The following ADAMTSL1 variants were observed in gnomAD, a reference collection of about 807,000 sequenced individuals.
ADAMTSL1 encodes ADAMTS-like protein 1.
A neutral mutation model predicts 201.8 loss-of-function variants in ADAMTSL1; 126 were observed. That is an observed-to-expected ratio of 0.62 (90% CI 0.54 to 0.72). The LOEUF (loss-of-function observed/expected upper bound fraction) is 0.72. ADAMTSL1 is among the 30% of genes least tolerant of loss of function. The pLI is 0.00. For missense variants in ADAMTSL1, 2,679 were observed against 2,277.8 expected, an observed-to-expected ratio of 1.18 and a Z score of -3.59; for synonymous variants, 1,121 against 903.4, an observed-to-expected ratio of 1.24 and a Z score of -4.32.
intron 15 of ADAMTSL1, among the ~76,000 whole-genome samples, chr9:18,746,614 A>T (rs559240613): frequency 1.3e-5 from 2 of 152,342 alleles, no homozygotes; most frequent in South Asian, 4.1e-4. Flanking sequence ...TTCTTAGGGC[A>T]TAATAGCTCA....
At chr9:18,304,290 C>T (rs929981247) in intron 2 of ADAMTSL1, among the ~76,000 whole-genome samples, 1 of 151,956 alleles carries the variant, frequency 6.6e-6, no homozygotes, top group Non-Finnish European at 1.5e-5. Context: ...TTCTTTCACT[C>T]CTGCCCCTAC....
chr9:18,350,342 A>G (rs1002065533), intron 2 of ADAMTSL1, among the ~76,000 whole-genome samples: 8 of 152,020 alleles, frequency 5.3e-5, no homozygotes, highest in African/African-American at 1.9e-4. Flanking sequence ...AGGGGGGAAA[A>G]AGAGGTCATA....
intron 1 of ADAMTSL1, among the ~76,000 whole-genome samples, chr9:17,942,655 T>C (rs1479286175): frequency 6.6e-6 from 1 of 152,158 alleles, no homozygotes; most frequent in Non-Finnish European, 1.5e-5. Context: ...CCCTTACACA[T>C]GCTCTGAAAC....
intron 6 of ADAMTSL1, among the ~76,000 whole-genome samples, chr9:18,636,659 G>T (rs1827131249): frequency 6.6e-6 from 1 of 152,144 alleles, no homozygotes; most frequent in Non-Finnish European, 1.5e-5. Context: ...CTTCAATCAT[G>T]CCAAGGCAGC....
intron 23 of ADAMTSL1, among the ~76,000 whole-genome samples, chr9:18,846,450 C>G (rs188724519): frequency 5.2e-4 from 79 of 152,214 alleles, no homozygotes; most frequent in Admixed American, 9.2e-4. Flanking sequence ...AATAGAAAAC[C>G]TTTCAAGAAC....
At chr9:18,309,056 A>G (rs999256684) in intron 2 of ADAMTSL1, among the ~76,000 whole-genome samples, 1 of 152,218 alleles carries the variant, frequency 6.6e-6, no homozygotes, top group Non-Finnish European at 1.5e-5. Context: ...AATGTAATCC[A>G]TCACATAAAC....
At chr9:18,079,869 T>G (rs1195661227) in intron 1 of ADAMTSL1, among the ~76,000 whole-genome samples, 1 of 152,114 alleles carries the variant, frequency 6.6e-6, no homozygotes, top group Non-Finnish European at 1.5e-5. Flanking sequence ...GTTGAGGGAC[T>G]TCAGAATCCC....
chr9:18,864,985 A>G (rs1827420116), intron 23 of ADAMTSL1, among the ~76,000 whole-genome samples: 1 of 152,066 alleles, frequency 6.6e-6, no homozygotes, highest in Non-Finnish European at 1.5e-5. Context: ...AAAAAAATCA[A>G]TCACACATTT....
intron 9 of ADAMTSL1, among the ~76,000 whole-genome samples, chr9:18,670,326 T>A (rs541997749): frequency 6.6e-6 from 1 of 152,298 alleles, no homozygotes; most frequent in East Asian, 1.9e-4. Flanking sequence ...GAAGATCTTG[T>A]TAAAAGCTTT....
At chr9:18,485,802 C>G (rs902879123) in intron 1 of ADAMTSL1, among the ~76,000 whole-genome samples, 3 of 152,270 alleles carry the variant, frequency 2.0e-5, no homozygotes, top group African/African-American at 7.2e-5. Context: ...AAGCTCTGAC[C>G]CAAGTTTTTG....
chr9:18,206,797 C>T (rs577426756), intron 2 of ADAMTSL1, among the ~76,000 whole-genome samples: 2 of 152,226 alleles, frequency 1.3e-5, no homozygotes, highest in Non-Finnish European at 2.9e-5. Context: ...GAGTTGATCC[C>T]TAAATTATCT....
At chr9:18,209,038 A>G (rs369274707) in intron 2 of ADAMTSL1, among the ~76,000 whole-genome samples, 8 of 152,234 alleles carry the variant, frequency 5.3e-5, no homozygotes, top group African/African-American at 7.2e-5. Flanking sequence ...ATAAAGGAAA[A>G]TATTATTTAC....
At chr9:18,001,397 C>T (rs1217047909) in intron 1 of ADAMTSL1, among the ~76,000 whole-genome samples, 2 of 143,390 alleles carry the variant, frequency 1.4e-5, no homozygotes, top group Admixed American at 1.4e-4. Context: ...TGGAACTGGT[C>T]CAAGATGAGG....
intron 26 of ADAMTSL1, among the ~76,000 whole-genome samples, chr9:18,893,487 T>C (rs900698653): frequency 6.6e-6 from 1 of 152,160 alleles, no homozygotes; most frequent in Non-Finnish European, 1.5e-5. Context: ...GGCCAGTACG[T>C]GTCGAGCTTT....
chr9:18,082,127 T>C (rs1823523868), intron 1 of ADAMTSL1, among the ~76,000 whole-genome samples: 1 of 152,234 alleles, frequency 6.6e-6, no homozygotes, highest in Non-Finnish European at 1.5e-5. Context: ...TTATCTTTAA[T>C]GTTGAAAATT....
intron 3 of ADAMTSL1, among the ~76,000 whole-genome samples, chr9:18,540,590 C>T (rs113355570): frequency 6.6e-6 from 1 of 152,164 alleles, no homozygotes; most frequent in African/African-American, 2.4e-5. Flanking sequence ...TTTATCTATG[C>T]TGAAGAGCCT....
intron 1 of ADAMTSL1, among the ~76,000 whole-genome samples, chr9:18,134,441 A>T (rs1054780369): frequency 1.3e-5 from 2 of 152,334 alleles, no homozygotes; most frequent in Middle Eastern, 6.8e-3. Flanking sequence ...ATGGGAGTAG[A>T]GACTGACTTA....
chr9:18,037,138 G>C (rs1020814842), intron 1 of ADAMTSL1, among the ~76,000 whole-genome samples: 3 of 152,164 alleles, frequency 2.0e-5, no homozygotes, highest in Non-Finnish European at 1.5e-5. Flanking sequence ...CATTAAATCA[G>C]TTTGCACTCA....
At chr9:18,523,021 C>T (rs1016626418) in intron 2 of ADAMTSL1, among the ~76,000 whole-genome samples, 1 of 152,198 alleles carries the variant, frequency 6.6e-6, no homozygotes, top group Non-Finnish European at 1.5e-5. Context: ...GCCACACTGT[C>T]TTCCACAATG....
Sources: gnomAD v4.1 joint callset for allele counts (sites outside exome capture counted in the v4.1 genomes callset) on GRCh38, gnomAD v4.1.1 for gene constraint, MANE v1.5 for transcripts, NCBI Gene and HGNC (gene_info 2026-07-23, HGNC 2026-07-21) for gene names.